Variants in TMEM244 observed in about 807,000 individuals in gnomAD.
TMEM244 encodes the protein transmembrane protein 244, also known as putative transmembrane protein 244.
TMEM244 carries 13 observed loss-of-function variants against 15.8 expected under a neutral mutation model. The ratio of observed to expected loss-of-function variants is 0.82; its 90% CI spans 0.53 to 1.30. The LOEUF (loss-of-function observed/expected upper bound fraction) is 1.30, where lower values mean the gene tolerates loss of function less well. Among genes scored for constraint, TMEM244 ranks in the 50% most tolerant of loss-of-function variants. TMEM244 has a pLI of 0.00. For synonymous variants in TMEM244, 45 were observed against 48.7 expected (o/e 0.92, Z 0.32); for missense variants, 161 against 144.9 (o/e 1.11, Z -0.57).
intron 1 of TMEM244, among the ~76,000 whole-genome samples, chr6:129,854,370 C>T (rs936801089): frequency 1.3e-5 from 2 of 152,178 alleles, no homozygotes; most frequent in Admixed American, 6.5e-5. Context: ...CTTTGCTGCA[C>T]AGTGAGAGAG....
At chr6:129,836,739 A>G (rs1776414317) in intron 3 of TMEM244, among the ~76,000 whole-genome samples, 1 of 152,228 alleles carries the variant, frequency 6.6e-6, no homozygotes, top group Non-Finnish European at 1.5e-5. Flanking sequence ...AAATGACCTG[A>G]TGGAGCTGAA....
At chr6:129,836,074 G>C (rs528289185) in intron 3 of TMEM244, among the ~76,000 whole-genome samples, 133 of 152,298 alleles carry the variant, frequency 8.7e-4, no homozygotes, top group African/African-American at 3.1e-3. Flanking sequence ...TCTCAGCATG[G>C]CATTCGAGCT....
chr6:129,839,186 A>G (rs1776451224), intron 3 of TMEM244, among the ~76,000 whole-genome samples: 1 of 152,200 alleles, frequency 6.6e-6, no homozygotes, highest in Non-Finnish European at 1.5e-5. Context: ...TCAGTAAAAT[A>G]CTGTCAAACC....
At chr6:129,832,476 A>G (rs536373989) in intron 4 of TMEM244, among the ~76,000 whole-genome samples, 1 of 152,154 alleles carries the variant, frequency 6.6e-6, no homozygotes, top group East Asian at 1.9e-4. Flanking sequence ...ATAATAATAA[A>G]CTTTGAATTA....
At chr6:129,860,703 G>A (rs1398695425) in intron 1 of TMEM244, among the ~76,000 whole-genome samples, 1 of 151,210 alleles carries the variant, frequency 6.6e-6, no homozygotes, top group African/African-American at 2.4e-5. Context: ...ATTAACACTA[G>A]CCTCGGGGGA....
chr6:129,848,627 C>T (rs1466354226), intron 1 of TMEM244, among the ~76,000 whole-genome samples: 1 of 152,088 alleles, frequency 6.6e-6, no homozygotes, highest in Non-Finnish European at 1.5e-5. Context: ...AGTTGAAGGC[C>T]CAAACATTGT....
rs1776555492 is a variant in TMEM244, at chr6:129,845,959, G to T, written c.34-107C>A. The T allele has an allele frequency of 5.5e-6, 4 of 721,034 alleles. No individual in the cohort carries two copies. The Middle Eastern group carries it at 9.6e-4, about 174-fold the overall frequency. The allele number at this position is 721,034 out of a possible 1,614,324, so 44.7% of individuals were successfully genotyped here. ...AATGATTACTAGATAGTGTTGGCTA[G>T]CCTTGTATTGCTTAAGGACCCATGG... On this transcript the variant is annotated intron_variant, in intron 1 of 4. Coordinates refer to ENST00000368143, the MANE Select transcript of TMEM244 (RefSeq NM_001010876.2).
chr6:129,841,953 A>G (rs949752619), intron 3 of TMEM244, among the ~76,000 whole-genome samples: 20 of 152,176 alleles, frequency 1.3e-4, no homozygotes, highest in African/African-American at 4.8e-4. Flanking sequence ...AAGAGTTATG[A>G]CATTTATCTC....
chr6:129,853,607 T>C (rs1413904315), intron 1 of TMEM244, among the ~76,000 whole-genome samples: 1 of 152,210 alleles, frequency 6.6e-6, no homozygotes, highest in Non-Finnish European at 1.5e-5. Flanking sequence ...TTTGTCATCT[T>C]TTTTGATCAA....
rs765222741 is a variant in TMEM244 at position 129,831,290 on chromosome 6, T to C, written c.*29A>G. Reference sequence around the variant, plus strand: ...AAAATATATTTCCACAGTTATTCTATTTAACATTATTTCTGTGCATTAGAG... The same window carrying C: ...AAAATATATTTCCACAGTTATTCTACTTAACATTATTTCTGTGCATTAGAG... On this transcript the variant is annotated 3_prime_UTR_variant, in exon 5 of 5. Coordinates refer to ENST00000368143, the MANE Select transcript of TMEM244 (RefSeq NM_001010876.2). The C allele has an allele frequency of 1.6e-6, 2 of 1,236,258 alleles. No homozygotes were observed. The highest frequency in any genetic ancestry group is 3.7e-5 in the Admixed American group (2 of 54,392). 76.6% of individuals were successfully genotyped at this position (1,236,258 alleles called of 1,614,324 possible). A position where few individuals can be genotyped will look rare whatever the true frequency, so the allele number is the denominator to read the frequency against.
At chr6:129,856,695 C>G (rs1776718017) in intron 1 of TMEM244, among the ~76,000 whole-genome samples, 1 of 152,030 alleles carries the variant, frequency 6.6e-6, no homozygotes, top group African/African-American at 2.4e-5. Flanking sequence ...CTAGTCATCT[C>G]TCCTTTTTCT....
At chr6:129,838,400 A>G (rs547934896) in intron 3 of TMEM244, among the ~76,000 whole-genome samples, 2 of 152,380 alleles carry the variant, frequency 1.3e-5, no homozygotes, top group African/African-American at 4.8e-5. Flanking sequence ...GAACAAAGAC[A>G]CAATGTATCA....
intron 3 of TMEM244, among the ~76,000 whole-genome samples, chr6:129,836,542 G>A (rs1207302357): frequency 6.6e-6 from 1 of 152,172 alleles, no homozygotes; most frequent in Non-Finnish European, 1.5e-5. Context: ...CCTCGCCAGT[G>A]AGGGAACAAA....
At chr6:129,857,757 C>A (rs1016390292) in intron 1 of TMEM244, among the ~76,000 whole-genome samples, 1 of 151,520 alleles carries the variant, frequency 6.6e-6, no homozygotes, top group Non-Finnish European at 1.5e-5. Flanking sequence ...AAGTAATACA[C>A]CAGCTTTAGG....
intron 1 of TMEM244, among the ~76,000 whole-genome samples, chr6:129,854,903 C>T (rs531963038): frequency 6.6e-6 from 1 of 152,318 alleles, no homozygotes; most frequent in Admixed American, 6.5e-5. Flanking sequence ...TAGGAACAAT[C>T]ATAATGGTCC....
At chr6:129,851,395 A>G (rs776149996) in intron 1 of TMEM244, among the ~76,000 whole-genome samples, 2 of 152,178 alleles carry the variant, frequency 1.3e-5, no homozygotes, top group Non-Finnish European at 2.9e-5. Context: ...CAACCTCCCA[A>G]GAAGCTGGGG....
intron 1 of TMEM244, among the ~76,000 whole-genome samples, chr6:129,851,201 CCT>C (rs1776633964): frequency 6.6e-6 from 1 of 152,104 alleles, no homozygotes; most frequent in Non-Finnish European, 1.5e-5. Context: ...CTGGATGTTT[CCT>C]CTCAACCCTG....
At chr6:129,855,701 A>G (rs1776696403) in intron 1 of TMEM244, among the ~76,000 whole-genome samples, 1 of 152,174 alleles carries the variant, frequency 6.6e-6, no homozygotes, top group South Asian at 2.1e-4. Flanking sequence ...TTCGGAGAAG[A>G]ACTCTACAAA....
chr6:129,851,926 G>A (rs550059734), intron 1 of TMEM244, among the ~76,000 whole-genome samples: 181 of 152,134 alleles, frequency 1.2e-3, no homozygotes, highest in African/African-American at 3.8e-3. Flanking sequence ...TGGGACATTT[G>A]GCTATTTAAA....
Sources: allele counts gnomAD v4.1 joint callset (sites outside exome capture counted in the v4.1 genomes callset), GRCh38; gene constraint gnomAD v4.1.1; transcripts MANE v1.5; gene names NCBI Gene and HGNC (gene_info 2026-07-23, HGNC 2026-07-21).